C12orf42: variants seen among roughly 807,000 people sequenced by gnomAD.
C12orf42 encodes the protein chromosome 12 open reading frame 42.
In C12orf42, 25 loss-of-function variants were observed where a neutral mutation model predicts 21.6. That is an observed-to-expected ratio of 1.16 (90% CI 0.84 to 1.62). The LOEUF is 1.62. C12orf42 is among the 40% of genes most tolerant of loss of function. C12orf42 has a pLI of 0.00. For synonymous variants in C12orf42, 174 were observed against 175.0 expected (o/e 0.99, Z 0.05); for missense variants, 483 against 459.3 (o/e 1.05, Z -0.47).
At chr12:103,287,455 CA>C (rs61101437) in intron 4 of C12orf42, among the ~76,000 whole-genome samples, 52,878 of 151,416 alleles carry the variant, frequency 0.35, 10,180 homozygotes, top group East Asian at 0.51. Flanking sequence ...ATCACAAGGA[CA>C]AAAAAACCAA....
chr12:103,559,592 C>G, the C12orf42 span: 1 of 152,160 alleles, frequency 6.6e-6, no homozygotes, highest in African/African-American at 2.4e-5. Context: ...CTCAAAAACC[C>G]CGTGACATCC....
At chr12:103,212,545 G>A in the C12orf42 span, among the ~76,000 whole-genome samples, 68 of 152,154 alleles carry the variant, frequency 4.5e-4, no homozygotes, top group Admixed American at 9.8e-4. Context: ...ATTTTGGGGG[G>A]AGGGCAAAAC....
chr12:103,396,020 TATAAC>T (rs1179858992), intron 3 of C12orf42, among the ~76,000 whole-genome samples: 8 of 148,656 alleles, frequency 5.4e-5, no homozygotes, highest in South Asian at 2.1e-4. Flanking sequence ...AAAACATAGT[TATAAC>T]ATAATATATA....
intron 10 of C12orf42, among the ~76,000 whole-genome samples, chr12:103,252,845 T>C (rs933767021): frequency 6.6e-6 from 1 of 152,198 alleles, no homozygotes; most frequent in African/African-American, 2.4e-5. Context: ...TTGTTGCCAT[T>C]GCTTTTGGTG....
the C12orf42 span, among the ~76,000 whole-genome samples, chr12:103,168,929 A>G: frequency 6.6e-6 from 1 of 152,086 alleles, no homozygotes; most frequent in East Asian, 1.9e-4. Flanking sequence ...CAAATGCCAC[A>G]TGTTCTCACT....
the C12orf42 span, among the ~76,000 whole-genome samples, chr12:103,511,158 C>G: frequency 6.6e-6 from 1 of 152,126 alleles, no homozygotes. Flanking sequence ...ACCCAAGATG[C>G]TGGTCTTTCC....
chr12:103,358,045 C>T (rs577487356), intron 4 of C12orf42, among the ~76,000 whole-genome samples: 9 of 152,200 alleles, frequency 5.9e-5, no homozygotes, highest in South Asian at 4.1e-4. Flanking sequence ...AGGGGCTTCA[C>T]TCACATGTCT....
the C12orf42 span, among the ~76,000 whole-genome samples, chr12:103,090,476 C>T: frequency 6.6e-6 from 1 of 152,028 alleles, no homozygotes; most frequent in African/African-American, 2.4e-5. Flanking sequence ...AGAGTGTCAC[C>T]CTCTGCAAAT....
At chr12:103,402,084 A>G (rs2048048569) in intron 2 of C12orf42, among the ~76,000 whole-genome samples, 1 of 152,222 alleles carries the variant, frequency 6.6e-6, no homozygotes, top group Admixed American at 6.5e-5. Context: ...ATCCCAGCTG[A>G]GCCCAATGCA....
intron 1 of C12orf42, among the ~76,000 whole-genome samples, chr12:103,486,717 A>G (rs1407198099): frequency 2.0e-5 from 3 of 152,078 alleles, no homozygotes; most frequent in African/African-American, 2.4e-5. Flanking sequence ...GAATTTATCC[A>G]TTTCTTCTAG....
chr12:103,049,058 A>T, the C12orf42 span, among the ~76,000 whole-genome samples: 12 of 152,162 alleles, frequency 7.9e-5, no homozygotes, highest in African/African-American at 2.7e-4. Context: ...ATCCATTCCC[A>T]TGGCTTTAAA....
intron 2 of C12orf42, chr12:103,478,095 A>G (rs2138012166): frequency 2.7e-6 from 1 of 371,532 alleles, no homozygotes. Flanking sequence ...ATAATAGCAA[A>G]GACAACACAT....
At chr12:103,173,695 C>T in the C12orf42 span, among the ~76,000 whole-genome samples, 2 of 152,076 alleles carry the variant, frequency 1.3e-5, no homozygotes, top group Admixed American at 6.6e-5. Context: ...CTTAAAAGTC[C>T]TCTCCCCGTG....
chr12:103,164,332 TAC>T, the C12orf42 span: 1 of 445,520 alleles, frequency 2.2e-6, no homozygotes, highest in Non-Finnish European at 4.5e-6. Context: ...TTTGTATACT[TAC>T]AGACTCTCCT....
intron 2 of C12orf42, among the ~76,000 whole-genome samples, chr12:103,419,865 CAGA>C (rs1158997769): frequency 3.9e-5 from 6 of 152,166 alleles, no homozygotes; most frequent in Non-Finnish European, 7.4e-5. Flanking sequence ...GGGCTTTATA[CAGA>C]AGGTTTTCTG....
intron 3 of C12orf42, among the ~76,000 whole-genome samples, chr12:103,392,432 T>C (rs1047956399): frequency 6.6e-6 from 1 of 152,232 alleles, no homozygotes; most frequent in African/African-American, 2.4e-5. Flanking sequence ...AGTACTATCA[T>C]ATTAATGTTA....
At position 103,357,713 on chromosome 12, in the gene C12orf42, C is replaced by T. The variant is rs543371769; in HGVS notation, c.259+11174G>A. Among the ~76,000 whole-genome samples the T allele has an allele frequency of 1.5e-3, 230 of 152,200 alleles. 10 individuals carry two copies. In the South Asian group the frequency reaches 0.046, roughly 31 times the overall value. On this transcript the variant is annotated intron_variant, in intron 4 of 5. Coordinates refer to ENST00000548883, the MANE Select transcript of C12orf42 (RefSeq NM_198521.5). ...TTCTTTTGTGGATCAGTTTTAACCC[C>T]TTTCATTGGCCAGTTCAGCCAGGTG...
At chr12:103,198,339 T>C in the C12orf42 span, among the ~76,000 whole-genome samples, 2 of 152,134 alleles carry the variant, frequency 1.3e-5, no homozygotes, top group South Asian at 2.1e-4. Context: ...TGGTTGGGCA[T>C]GTGAGGCTGC....
chr12:103,548,774 T>C, the C12orf42 span: 1 of 152,192 alleles, frequency 6.6e-6, no homozygotes, highest in African/African-American at 2.4e-5. Context: ...CCACACATCC[T>C]CTGAGTAATT....
Sources: allele counts gnomAD v4.1 joint callset (sites outside exome capture counted in the v4.1 genomes callset), GRCh38; gene constraint gnomAD v4.1.1; transcripts MANE v1.5; gene names NCBI Gene and HGNC (gene_info 2026-07-23, HGNC 2026-07-21).